Variants in DAP3 observed in about 807,000 individuals in gnomAD.
DAP3 encodes the protein small ribosomal subunit protein mS29.
Under a neutral mutation model 51.9 loss-of-function variants are expected in DAP3, and 28 were observed. The observed-to-expected ratio is 0.54, with a 90% confidence interval of 0.40 to 0.74. The LOEUF (loss-of-function observed/expected upper bound fraction) is 0.74. Ranked by LOEUF, DAP3 falls within the 30% of genes least tolerant of loss-of-function variation. The pLI, the probability that DAP3 is intolerant of heterozygous loss-of-function variation, is 0.00. For synonymous variants in DAP3, 170 were observed against 170.3 expected (o/e 1.00, Z 0.01); for missense variants, 458 against 483.5 (o/e 0.95, Z 0.49).
rs763319269 is a variant in DAP3, at chr1:155,738,244, C to G, written c.*2C>G. On this transcript the variant is annotated 3_prime_UTR_variant, in exon 13 of 13. Coordinates refer to ENST00000368336, the MANE Select transcript of DAP3 (RefSeq NM_004632.4). Reference sequence around the variant, plus strand: ...GAGCGGCACTGTGCCTACCTCTAAGCCAAGATCACAGCATGTGAGGAAGAC... The same window carrying G: ...GAGCGGCACTGTGCCTACCTCTAAGGCAAGATCACAGCATGTGAGGAAGAC... 6.2e-7 allele frequency: 1 copy of G among 1,614,148 alleles called. No individual in the cohort carries two copies. Among genetic ancestry groups the G allele is most frequent in the South Asian group, 1.1e-5 (1 of 91,082 alleles).
At chr1:155,733,361 T>G (rs1659435839) in intron 11 of DAP3, among the ~76,000 whole-genome samples, 1 of 152,256 alleles carries the variant, frequency 6.6e-6, no homozygotes, top group Admixed American at 6.5e-5. Context: ...ACTTTGAGAC[T>G]AGGTAAAGAT....
At chr1:155,700,230 C>T (rs1246289106) in intron 1 of DAP3, among the ~76,000 whole-genome samples, 3 of 152,234 alleles carry the variant, frequency 2.0e-5, no homozygotes, top group African/African-American at 7.2e-5. Context: ...CCACTGCACC[C>T]AGCCTTGAGT....
intron 12 of DAP3, among the ~76,000 whole-genome samples, chr1:155,737,589 T>C (rs1463383870): frequency 1.3e-5 from 2 of 152,090 alleles, no homozygotes; most frequent in Non-Finnish European, 2.9e-5. Flanking sequence ...AGAGGGGATA[T>C]AGAAGAAAAG....
chr1:155,688,917 C>A, upstream of DAP3: 1 of 1,613,204 alleles, frequency 6.2e-7, no homozygotes, highest in Non-Finnish European at 8.5e-7. Context: ...GGCCGAGTCC[C>A]ATGACAACCT....
chr1:155,737,582 G>A (rs1435658911), intron 12 of DAP3, among the ~76,000 whole-genome samples: 1 of 152,088 alleles, frequency 6.6e-6, no homozygotes, highest in Admixed American at 6.6e-5. Context: ...AGTATGAAGA[G>A]GGGATATAGA....
chr1:155,688,762 AC>A, upstream of DAP3: 1 of 1,521,058 alleles, frequency 6.6e-7, no homozygotes, highest in Admixed American at 2.2e-5. Flanking sequence ...CGCCGCCAGC[AC>A]CCCCACCCTA....
At position 155,728,110 on chromosome 1, in the gene DAP3, A is replaced by G. The variant is rs574122635; in HGVS notation, c.603+372A>G. ...ATTCTTCTTTACCCTGGTGATTCTT[A>G]GATACCCTGTCTAGACCAGGGGCCT... On this transcript the variant is annotated intron_variant, in intron 7 of 12. Transcript: ENST00000368336. Among the ~76,000 whole-genome samples the G allele has an allele frequency of 1.1e-4, 17 of 152,274 alleles. No individual in the cohort carries two copies. The South Asian group carries it at 1.4e-3, about 13-fold the overall frequency.
intron 9 of DAP3, among the ~76,000 whole-genome samples, chr1:155,730,111 C>CAT (rs950356641): frequency 5.6e-4 from 76 of 134,832 alleles, no homozygotes; most frequent in African/African-American, 2.5e-3. Context: ...CACATATATT[C>CAT]ATATATATTT....
Position 155,717,031 on chromosome 1 carries a change from T to C in DAP3, c.71T>C (p.Met24Thr), listed in dbSNP as rs775549205. The change falls in exon 3 of 13, where the codon ATG becomes ACG. Residue 24 changes from methionine to threonine, a missense_variant. Met to Thr is a moderately conservative substitution (Grantham distance 81). Transcript: ENST00000368336. ...TTGGACCCTGGGCGTTTTTTACACA[T>C]GGGGACCCAGGCTCGCCAAAGCATT... ...HKLDPGRFLH[M>T]GTQARQSIAA... 10 of 1,609,128 alleles carry C rather than the reference T, an allele frequency of 6.2e-6. No individual in the cohort carries two copies. The African/African-American group carries it at 8.0e-5, about 13-fold the overall frequency.
chr1:155,731,830 C>G, intron 10 of DAP3, 114 bp from the exon 11 acceptor site: 1 of 1,073,496 alleles, frequency 9.3e-7, no homozygotes, highest in Non-Finnish European at 1.3e-6. Context: ...TGTGCTAGAC[C>G]ACACTTTTGT....
chr1:155,709,154 CT>C (rs111951498), intron 1 of DAP3: 20,120 of 144,344 alleles, frequency 0.14, 2,741 homozygotes, highest in African/African-American at 0.36. Context: ...GGCCTATTTT[CT>C]TTTTTTTTTT....
At chr1:155,728,017 G>A (rs1305784354) in intron 7 of DAP3, among the ~76,000 whole-genome samples, 1 of 151,854 alleles carries the variant, frequency 6.6e-6, no homozygotes, top group African/African-American at 2.4e-5. Context: ...TCCCTCGCAA[G>A]CACATTTCCA....
chr1:155,720,683 A>G (rs1009324699), intron 3 of DAP3, among the ~76,000 whole-genome samples: 4 of 151,816 alleles, frequency 2.6e-5, no homozygotes, highest in Admixed American at 2.6e-4. Flanking sequence ...CAAAAAAAAC[A>G]CATAAAGACA....
chr1:155,688,674 C>T (rs1278814689), upstream of DAP3: 34 of 1,532,150 alleles, frequency 2.2e-5, no homozygotes, highest in Non-Finnish European at 2.8e-5. Flanking sequence ...GCGGCGCGAG[C>T]CCAAGCCTTC....
At chr1:155,705,186 T>G (rs1486439862) in intron 1 of DAP3, among the ~76,000 whole-genome samples, 1 of 151,952 alleles carries the variant, frequency 6.6e-6, no homozygotes, top group Non-Finnish European at 1.5e-5. Context: ...CTTGGGAGGC[T>G]GAGGTGGGAA....
intron 11 of DAP3, among the ~76,000 whole-genome samples, chr1:155,735,586 GA>G (rs796080474): frequency 5.6e-4 from 76 of 136,460 alleles, no homozygotes; most frequent in Admixed American, 4.4e-4. Flanking sequence ...TCAAGAAAAT[GA>G]AAAAAAAAAA....
intron 1 of DAP3, among the ~76,000 whole-genome samples, chr1:155,697,930 C>T (rs188358423): frequency 4.9e-4 from 75 of 152,266 alleles, no homozygotes; most frequent in Non-Finnish European, 5.6e-4. Flanking sequence ...GGAATGCATT[C>T]GTTTTCCCAG....
chr1:155,724,635 A>G (rs1345837885), intron 4 of DAP3, among the ~76,000 whole-genome samples: 1 of 126,304 alleles, frequency 7.9e-6, no homozygotes, highest in East Asian at 1.9e-4. Flanking sequence ...TCTGTCTCAA[A>G]AAAAGAAAAA....
chr1:155,737,660 C>T (rs952261424), intron 12 of DAP3, among the ~76,000 whole-genome samples: 1 of 148,690 alleles, frequency 6.7e-6, no homozygotes, highest in Non-Finnish European at 1.5e-5. Context: ...GGTGCAGTGG[C>T]TCACACCTGT....
Sources: gnomAD v4.1 joint callset for allele counts (sites outside exome capture counted in the v4.1 genomes callset) on GRCh38, gnomAD v4.1.1 for gene constraint, MANE v1.5 for transcripts, NCBI Gene and HGNC (gene_info 2026-07-23, HGNC 2026-07-21) for gene names.